SLC5A4: variants seen among roughly 807,000 people sequenced by gnomAD.
SLC5A4 encodes probable glucose sensor protein SLC5A4.
Under a neutral mutation model 70.3 loss-of-function variants are expected in SLC5A4, and 55 were observed. That is an observed-to-expected ratio of 0.78 (90% CI 0.63 to 0.98). The LOEUF (loss-of-function observed/expected upper bound fraction) is 0.98, where lower values mean the gene tolerates loss of function less well. Among genes scored for constraint, SLC5A4 ranks in the 50% least tolerant of loss-of-function variants. SLC5A4 has a pLI of 0.00. For synonymous variants in SLC5A4, 268 were observed against 305.7 expected, an observed-to-expected ratio of 0.88 and a Z score of 1.29; for missense variants, 735 against 839.2, an observed-to-expected ratio of 0.88 and a Z score of 1.53.
chr22:32,354,855 C>T, the SLC5A4 span: 1 of 152,446 alleles, frequency 6.6e-6, no homozygotes, highest in African/African-American at 2.4e-5. Context: ...ACCATTCTGG[C>T]TGCGCTCTAG....
chr22:32,221,121 A>C (rs1426827335), intron 13 of SLC5A4, 99 bp from the exon 14 acceptor site: 1 of 786,386 alleles, frequency 1.3e-6, no homozygotes, highest in Non-Finnish European at 2.2e-6. Context: ...TTTTTAAAAA[A>C]TCAAACCATA....
the SLC5A4 span, among the ~76,000 whole-genome samples, chr22:32,265,880 T>G: frequency 6.6e-6 from 1 of 152,114 alleles, no homozygotes; most frequent in Non-Finnish European, 1.5e-5. Flanking sequence ...GAACAAAATG[T>G]AGGCCACAGA....
the SLC5A4 span, among the ~76,000 whole-genome samples, chr22:32,332,425 CT>C: frequency 6.6e-6 from 1 of 152,236 alleles, no homozygotes; most frequent in Non-Finnish European, 1.5e-5. Flanking sequence ...ACTTCCTCCC[CT>C]GGTCTCTTCC....
At chr22:32,308,279 A>T in the SLC5A4 span, among the ~76,000 whole-genome samples, 1 of 151,872 alleles carries the variant, frequency 6.6e-6, no homozygotes, top group South Asian at 2.1e-4. Flanking sequence ...CAATTAAAAA[A>T]TTTTACAAGT....
At chr22:32,347,110 A>G in the SLC5A4 span, among the ~76,000 whole-genome samples, 1 of 152,266 alleles carries the variant, frequency 6.6e-6, no homozygotes, top group East Asian at 1.9e-4. Flanking sequence ...AAAAATGCTC[A>G]TCATCACTGG....
the SLC5A4 span, among the ~76,000 whole-genome samples, chr22:32,350,264 T>A: frequency 6.6e-6 from 1 of 152,300 alleles, no homozygotes; most frequent in African/African-American, 2.4e-5. Context: ...GCCCCCATTG[T>A]AAAGATGGAT....
chr22:32,338,838 G>A, the SLC5A4 span, among the ~76,000 whole-genome samples: 1 of 152,154 alleles, frequency 6.6e-6, no homozygotes, highest in East Asian at 1.9e-4. Context: ...CTCCCTGCCT[G>A]GCATCTATCC....
chr22:32,313,528 GGGAA>G, the SLC5A4 span, among the ~76,000 whole-genome samples: 1 of 152,236 alleles, frequency 6.6e-6, no homozygotes, highest in East Asian at 1.9e-4. Flanking sequence ...TCCTGGAATA[GGGAA>G]GAGCCAGGAG....
the SLC5A4 span, among the ~76,000 whole-genome samples, chr22:32,315,095 T>A: frequency 3.9e-5 from 6 of 152,220 alleles, no homozygotes; most frequent in Non-Finnish European, 7.3e-5. Flanking sequence ...ATATGTTATG[T>A]GCATTCTACC....
the SLC5A4 span, among the ~76,000 whole-genome samples, chr22:32,264,631 A>C: frequency 6.6e-6 from 1 of 152,216 alleles, no homozygotes; most frequent in Non-Finnish European, 1.5e-5. Flanking sequence ...ATCAGACCAA[A>C]GTCCTAAAAA....
the SLC5A4 span, among the ~76,000 whole-genome samples, chr22:32,332,574 T>C: frequency 6.6e-6 from 1 of 152,316 alleles, no homozygotes; most frequent in South Asian, 2.1e-4. Context: ...TCTGAGGGGC[T>C]GGGAGCCTCT....
chr22:32,230,313 AC>A (rs1925672553), intron 10 of SLC5A4, among the ~76,000 whole-genome samples: 1 of 152,000 alleles, frequency 6.6e-6, no homozygotes, highest in Non-Finnish European at 1.5e-5. Context: ...TGAGCTCTGT[AC>A]CCTACTCCAT....
the SLC5A4 span, among the ~76,000 whole-genome samples, chr22:32,352,196 CTCATAG>C: frequency 1.4e-5 from 2 of 145,936 alleles, no homozygotes; most frequent in Admixed American, 7.2e-5. Context: ...TATGTTCTCA[CTCATAG>C]GTGGGAATTG....
the SLC5A4 span, among the ~76,000 whole-genome samples, chr22:32,327,894 G>T: frequency 6.6e-6 from 1 of 152,160 alleles, no homozygotes; most frequent in South Asian, 2.1e-4. Flanking sequence ...GGGGCACCTC[G>T]GGCATGGCAT....
chr22:32,284,001 T>C, the SLC5A4 span, among the ~76,000 whole-genome samples: 1 of 151,716 alleles, frequency 6.6e-6, no homozygotes, highest in Non-Finnish European at 1.5e-5. Flanking sequence ...AAGCAAAATA[T>C]AGAACCACAG....
chr22:32,312,130 T>TA, the SLC5A4 span, among the ~76,000 whole-genome samples: 1 of 152,118 alleles, frequency 6.6e-6, no homozygotes, highest in Non-Finnish European at 1.5e-5. Context: ...GTATTTTTGT[T>TA]ACAGGAATGA....
At chr22:32,321,872 G>A in the SLC5A4 span, among the ~76,000 whole-genome samples, 1 of 152,216 alleles carries the variant, frequency 6.6e-6, no homozygotes, top group Non-Finnish European at 1.5e-5. Context: ...AAGTGAGGGT[G>A]CAAGAGCGCC....
the SLC5A4 span, among the ~76,000 whole-genome samples, chr22:32,292,394 A>G: frequency 2.0e-5 from 3 of 148,058 alleles, no homozygotes; most frequent in Non-Finnish European, 4.4e-5. Flanking sequence ...CATACTAGAT[A>G]TATATTTGTT....
At chr22:32,327,514 G>A in the SLC5A4 span, 1 of 152,432 alleles carries the variant, frequency 6.6e-6, no homozygotes, top group Non-Finnish European at 1.5e-5. Flanking sequence ...GCCCAGGGAG[G>A]AGCTGAAGAG....
Sources: gnomAD v4.1 joint callset for allele counts (sites outside exome capture counted in the v4.1 genomes callset) on GRCh38, gnomAD v4.1.1 for gene constraint, MANE v1.5 for transcripts, NCBI Gene and HGNC (gene_info 2026-07-23, HGNC 2026-07-21) for gene names.